Variants in GRB10 observed in about 807,000 individuals in gnomAD.
GRB10 encodes the protein growth factor receptor-bound protein 10.
In GRB10, 20 loss-of-function variants were observed where a neutral mutation model predicts 80.9. The observed-to-expected ratio is 0.25, with a 90% CI of 0.17 to 0.36. The LOEUF is 0.36. Among genes scored for constraint, GRB10 ranks in the 10% least tolerant of loss-of-function variants. The probability of loss-of-function intolerance (pLI) is 1.00; values close to 1 mark genes in which losing one functional copy is unlikely to be tolerated. For missense variants in GRB10, 548 were observed against 747.7 expected (o/e 0.73, Z 3.12); for synonymous variants, 291 against 291.5 (o/e 1.00, Z 0.02).
intron 4 of GRB10, among the ~76,000 whole-genome samples, chr7:50,716,177 A>G (rs1374523154): frequency 6.6e-6 from 1 of 152,222 alleles, no homozygotes; most frequent in African/African-American, 2.4e-5. Flanking sequence ...GCGTGTTCCC[A>G]CCAACCCAAA....
intron 7 of GRB10, among the ~76,000 whole-genome samples, chr7:50,669,517 A>G (rs1436695225): frequency 2.0e-5 from 3 of 152,350 alleles, no homozygotes; most frequent in East Asian, 3.9e-4. Flanking sequence ...GGGGATTACA[A>G]TTCCACATGG....
At chr7:50,622,383 G>A (rs1439071600) in intron 8 of GRB10, among the ~76,000 whole-genome samples, 1 of 152,174 alleles carries the variant, frequency 6.6e-6, no homozygotes, top group Non-Finnish European at 1.5e-5. Context: ...ATCCAACAGC[G>A]TGGCAGCCAC....
intron 5 of GRB10, among the ~76,000 whole-genome samples, chr7:50,687,677 T>A (rs1406964886): frequency 3.3e-5 from 5 of 152,154 alleles, no homozygotes; most frequent in Non-Finnish European, 5.9e-5. Context: ...AAACAACAAA[T>A]CTGCTGTCCT....
At chr7:50,710,454 C>T (rs1176626696) in intron 4 of GRB10, among the ~76,000 whole-genome samples, 1 of 152,216 alleles carries the variant, frequency 6.6e-6, no homozygotes, top group Non-Finnish European at 1.5e-5. Context: ...TGCACTCTTG[C>T]CTCTGCTGGG....
At chr7:50,665,784 G>A (rs2059735986) in intron 7 of GRB10, among the ~76,000 whole-genome samples, 1 of 152,210 alleles carries the variant, frequency 6.6e-6, no homozygotes, top group Non-Finnish European at 1.5e-5. Context: ...AGGACAGCCA[G>A]GCAGGAAGGA....
At position 50,754,404 on chromosome 7, in the gene GRB10, C is replaced by A. The variant is rs1260357750; in HGVS notation, c.-47+1483G>T. Among the ~76,000 whole-genome samples, 3 of 152,322 alleles carry A rather than the reference C, an allele frequency of 2.0e-5. No individual in the cohort carries two copies. The East Asian group carries it at 5.8e-4, about 29-fold the overall frequency. ...AAGACAATCCATCCCAACAGCACAG[C>A]CCACTTCCCTGGCAAGGCAGTGGCA... On this transcript the variant is annotated intron_variant, in intron 3 of 18. Transcript: ENST00000401949.
intron 5 of GRB10, among the ~76,000 whole-genome samples, chr7:50,690,562 T>G (rs1362236582): frequency 6.6e-6 from 1 of 152,246 alleles, no homozygotes; most frequent in South Asian, 2.1e-4. Flanking sequence ...CCATATGTTG[T>G]GGATCATTAA....
At chr7:50,753,268 C>T (rs921702979) in intron 3 of GRB10, among the ~76,000 whole-genome samples, 1 of 152,214 alleles carries the variant, frequency 6.6e-6, no homozygotes, top group Non-Finnish European at 1.5e-5. Context: ...CTTTCTGAAA[C>T]CCCAGGGGAT....
chr7:50,623,563 T>C (rs974266396), intron 8 of GRB10, among the ~76,000 whole-genome samples: 2 of 152,162 alleles, frequency 1.3e-5, no homozygotes, highest in African/African-American at 4.8e-5. Flanking sequence ...TTGCTGCCAA[T>C]GGAGGGTGAC....
chr7:50,627,371 C>A lies in GRB10; in HGVS notation c.505-393G>T, dbSNP rs1215523361. ...ACCAATTGAAAAAACAAGCAAGCAACAACAAATCCTGTAAATCTCCCTCTT... is the reference window on the plus strand; with the variant it reads ...ACCAATTGAAAAAACAAGCAAGCAAAAACAAATCCTGTAAATCTCCCTCTT... On this transcript the variant is annotated intron_variant, in intron 7 of 18. Coordinates refer to ENST00000401949, the MANE Select transcript of GRB10 (RefSeq NM_001350814.2). Among the ~76,000 whole-genome samples the A allele has an allele frequency of 2.0e-5, 3 of 152,276 alleles. No individual in the cohort carries two copies. The East Asian group carries it at 5.8e-4, about 29-fold the overall frequency.
intron 2 of GRB10, among the ~76,000 whole-genome samples, chr7:50,769,108 T>A (rs762807070): frequency 1.3e-5 from 2 of 152,196 alleles, no homozygotes; most frequent in African/African-American, 2.4e-5. Context: ...GGAGTCCCCA[T>A]GATGAGGCTG....
At chr7:50,787,733 G>A (rs1034663504), upstream of GRB10, among the ~76,000 whole-genome samples, 6 of 152,182 alleles carry the variant, frequency 3.9e-5, no homozygotes, top group Non-Finnish European at 7.3e-5. Context: ...CACTAGGATC[G>A]CAGGCCAAGA....
chr7:50,690,279 A>G (rs1410387843), intron 5 of GRB10, among the ~76,000 whole-genome samples: 1 of 151,502 alleles, frequency 6.6e-6, no homozygotes, highest in African/African-American at 2.4e-5. Flanking sequence ...CTGGGCAACA[A>G]GAGCGAAACT....
intron 7 of GRB10, among the ~76,000 whole-genome samples, chr7:50,628,068 C>A (rs1344360304): frequency 2.0e-5 from 3 of 152,224 alleles, no homozygotes; most frequent in Non-Finnish European, 2.9e-5. Context: ...AGGACGCCAA[C>A]CACAACAACC....
At chr7:50,611,116 T>G (rs1441183073) in intron 13 of GRB10, among the ~76,000 whole-genome samples, 1 of 152,086 alleles carries the variant, frequency 6.6e-6, no homozygotes, top group Non-Finnish European at 1.5e-5. Flanking sequence ...CTCTCCCATC[T>G]CCTCTCCCTA....
At chr7:50,597,743 A>G (rs1387283650) in intron 17 of GRB10, among the ~76,000 whole-genome samples, 1 of 152,240 alleles carries the variant, frequency 6.6e-6, no homozygotes, top group Non-Finnish European at 1.5e-5. Context: ...GATGACTGCT[A>G]TGCGGGGAGA....
rs147787333 is a variant in GRB10 at position 50,603,199 on chromosome 7, T to C, written c.1544+799A>G. On this transcript the variant is annotated intron_variant, in intron 17 of 18. Transcript: ENST00000401949. Reference sequence around the variant, plus strand: ...ACTTCCTCAGGGAGGATGATCAGCCTGTGTCTCTTTCTGGAAGACTGCTGG... The same window carrying C: ...ACTTCCTCAGGGAGGATGATCAGCCCGTGTCTCTTTCTGGAAGACTGCTGG... Among the ~76,000 whole-genome samples the C allele has an allele frequency of 2.3e-3, 348 of 152,322 alleles. 6 individuals carry two copies. The highest frequency in any genetic ancestry group is 7.9e-3 in the African/African-American group (329 of 41,570).
chr7:50,733,982 C>A (rs942932513), intron 3 of GRB10, among the ~76,000 whole-genome samples: 1 of 152,074 alleles, frequency 6.6e-6, no homozygotes, highest in African/African-American at 2.4e-5. Flanking sequence ...TTCCAGCCTG[C>A]CTGCTCTGCA....
chr7:50,599,836 G>A (rs2047301562), intron 17 of GRB10, among the ~76,000 whole-genome samples: 1 of 152,186 alleles, frequency 6.6e-6, no homozygotes, highest in Non-Finnish European at 1.5e-5. Context: ...GTGCTGACCT[G>A]CAATCCACCC....
Sources: allele counts gnomAD v4.1 joint callset (sites outside exome capture counted in the v4.1 genomes callset), GRCh38; gene constraint gnomAD v4.1.1; transcripts MANE v1.5; gene names NCBI Gene and HGNC (gene_info 2026-07-23, HGNC 2026-07-21).